The following SMG1 variants were observed in gnomAD, a reference collection of about 807,000 sequenced individuals.
The protein encoded by SMG1 is serine/threonine-protein kinase SMG1.
Under a neutral mutation model 419.9 loss-of-function variants are expected in SMG1, and 22 were observed. That is an observed-to-expected ratio of 0.05 (90% CI 0.04 to 0.07). The LOEUF is 0.07. Among genes scored for constraint, SMG1 ranks in the 10% least tolerant of loss-of-function variants. The probability of loss-of-function intolerance (pLI) is 1.00; values close to 1 mark genes in which losing one functional copy is unlikely to be tolerated. For missense variants in SMG1, 3,185 were observed against 4,342.0 expected, an observed-to-expected ratio of 0.73 and a Z score of 7.49; for synonymous variants, 1,538 against 1,553.5, an observed-to-expected ratio of 0.99 and a Z score of 0.23.
chr16:18,827,479 TATTTG>T lies in SMG1; in HGVS notation c.9741+547_9741+551del, dbSNP rs1399965262. Among the ~76,000 whole-genome samples, 6 of 145,472 alleles carry T rather than the reference TATTTG, an allele frequency of 4.1e-5. No homozygotes were observed. The East Asian group carries it at 1.2e-3, about 28-fold the overall frequency. ...ACCTATATATATATATTTTTATATA[TATTTG>T]GTATAAATATACCAAAATATATATT... On this transcript the variant is annotated intron_variant, in intron 55 of 62. Transcript: ENST00000446231.
chr16:18,895,134 A>C (rs2141840533), intron 3 of SMG1, among the ~76,000 whole-genome samples: 1 of 152,276 alleles, frequency 6.6e-6, no homozygotes, highest in African/African-American at 2.4e-5. Context: ...TGAACTTCCA[A>C]GGCACTCACC....
At chr16:18,871,991 TC>T (rs1341930400) in intron 15 of SMG1, among the ~76,000 whole-genome samples, 192 bp downstream of exon 15, 2 of 152,142 alleles carry the variant, frequency 1.3e-5, no homozygotes, top group Non-Finnish European at 1.5e-5. Flanking sequence ...GTATTTCTTT[TC>T]AGAAAGAATA....
At chr16:18,885,279 C>T in intron 7 of SMG1, 117 bp from the exon 8 acceptor site, 2 of 645,758 alleles carry the variant, frequency 3.1e-6, no homozygotes, top group Non-Finnish European at 5.3e-6. Context: ...ACCTACTTGA[C>T]ATTCTAGAAA....
At chr16:18,923,448 A>T (rs2038273371) in intron 1 of SMG1, among the ~76,000 whole-genome samples, 1 of 152,196 alleles carries the variant, frequency 6.6e-6, no homozygotes, top group African/African-American at 2.4e-5. Flanking sequence ...GTCCAAGAAC[A>T]GGCTGGCCAA....
At chr16:18,887,014 T>C (rs1210049668) in intron 6 of SMG1, among the ~76,000 whole-genome samples, 1 of 152,194 alleles carries the variant, frequency 6.6e-6, no homozygotes, top group Non-Finnish European at 1.5e-5. Context: ...TCTTGGGAGA[T>C]GCATACTAAA....
intron 14 of SMG1, 64 bp from the exon 15 acceptor site, chr16:18,872,409 T>C (rs1433209342): frequency 1.3e-6 from 2 of 1,481,930 alleles, no homozygotes; most frequent in Non-Finnish European, 1.8e-6. Flanking sequence ...AGTCCAAAGT[T>C]AAATCAACAT....
At chr16:18,832,762 C>A (rs977763479) in intron 51 of SMG1, among the ~76,000 whole-genome samples, 178 bp downstream of exon 51, 1 of 151,684 alleles carries the variant, frequency 6.6e-6, no homozygotes, top group East Asian at 1.9e-4. Context: ...AGCAACTTCT[C>A]GTGATGTATA....
chr16:18,901,811 T>TAA (rs1046439936), intron 1 of SMG1, among the ~76,000 whole-genome samples: 11 of 151,628 alleles, frequency 7.3e-5, no homozygotes, highest in Non-Finnish European at 1.5e-4. Context: ...CTGTCTCTAC[T>TAA]AAAAATACAA....
intron 49 of SMG1, 54 bp from the exon 50 acceptor site, chr16:18,834,492 G>GT: frequency 1.3e-6 from 2 of 1,521,604 alleles, no homozygotes; most frequent in Non-Finnish European, 1.8e-6. Flanking sequence ...ACAAAACAAG[G>GT]TAACTGGCCG....
At chr16:18,827,624 AT>A (rs887654442) in intron 55 of SMG1, among the ~76,000 whole-genome samples, 3 of 143,876 alleles carry the variant, frequency 2.1e-5, no homozygotes, top group African/African-American at 7.6e-5. Context: ...CAAAATATAT[AT>A]TTTTATATAT....
intron 1 of SMG1, among the ~76,000 whole-genome samples, chr16:18,919,666 ACACACACACACACAC>A: frequency 1.2e-5 from 1 of 85,192 alleles, no homozygotes; most frequent in African/African-American, 5.4e-5. Context: ...ATACACACAC[ACACACACACACACAC>A]ACACACACAC....
At chr16:18,845,982 A>AT (rs2034242148) in intron 38 of SMG1, among the ~76,000 whole-genome samples, 1 of 151,800 alleles carries the variant, frequency 6.6e-6, no homozygotes, top group East Asian at 1.9e-4. Flanking sequence ...CGCCCAGCTA[A>AT]TTTTTTGTAT....
At chr16:18,907,351 C>A (rs1567452813) in intron 1 of SMG1, among the ~76,000 whole-genome samples, 2 of 151,858 alleles carry the variant, frequency 1.3e-5, no homozygotes, top group East Asian at 3.9e-4. Context: ...TTTCTCCTTG[C>A]ATTTATTTAT....
intron 1 of SMG1, among the ~76,000 whole-genome samples, chr16:18,921,054 C>A (rs1237664455): frequency 6.7e-6 from 1 of 150,364 alleles, no homozygotes; most frequent in Non-Finnish European, 1.5e-5. Flanking sequence ...AGGAGAATCA[C>A]TTGAACCAGG....
chr16:18,876,980 T>C (rs2036165613), intron 12 of SMG1, 151 bp downstream of exon 12: 2 of 554,992 alleles, frequency 3.6e-6, no homozygotes, highest in Admixed American at 3.2e-5. Context: ...TCTCAAGAAA[T>C]ACAAACTTAA....
intron 3 of SMG1, among the ~76,000 whole-genome samples, chr16:18,892,889 G>C (rs1249294842): frequency 6.6e-6 from 1 of 152,174 alleles, no homozygotes; most frequent in Non-Finnish European, 1.5e-5. Context: ...AAGGAAACAA[G>C]AAATGAATAA....
intron 29 of SMG1, 41 bp from the exon 30 acceptor site, chr16:18,854,945 A>G (rs1411645375): frequency 6.3e-7 from 1 of 1,577,422 alleles, no homozygotes; most frequent in Admixed American, 1.8e-5. Context: ...TAATTTGTCT[A>G]AACCAGACTG....
intron 1 of SMG1, among the ~76,000 whole-genome samples, chr16:18,898,630 G>C (rs528883292): frequency 6.6e-6 from 1 of 152,120 alleles, no homozygotes; most frequent in Non-Finnish European, 1.5e-5. Context: ...GACAGAGTTT[G>C]AACTTTATAT....
intron 33 of SMG1, among the ~76,000 whole-genome samples, 179 bp downstream of exon 33, chr16:18,851,888 T>C (rs1490290846): frequency 6.6e-6 from 1 of 152,178 alleles, no homozygotes; most frequent in Admixed American, 6.5e-5. Flanking sequence ...CCTTATTTTC[T>C]CAAAAGTATA....
Sources: allele counts gnomAD v4.1 joint callset (sites outside exome capture counted in the v4.1 genomes callset), GRCh38; gene constraint gnomAD v4.1.1; transcripts MANE v1.5; gene names NCBI Gene and HGNC (gene_info 2026-07-23, HGNC 2026-07-21).